The following PTPRD variants were observed in gnomAD, a reference collection of about 807,000 sequenced individuals.
PTPRD encodes the protein receptor-type tyrosine-protein phosphatase delta.
A neutral mutation model predicts 214.5 loss-of-function variants in PTPRD; 34 were observed. The ratio of observed to expected loss-of-function variants is 0.16; its 90% CI spans 0.12 to 0.21. The LOEUF is 0.21. PTPRD is among the 10% of genes least tolerant of loss of function. The pLI is 1.00. For synonymous variants in PTPRD, 1,128 were observed against 845.7 expected, an observed-to-expected ratio of 1.33 and a Z score of -5.79; for missense variants, 2,545 against 2,398.7, an observed-to-expected ratio of 1.06 and a Z score of -1.27.
At chr9:9,781,826 T>C (rs1029153573) in intron 5 of PTPRD, among the ~76,000 whole-genome samples, 3 of 150,564 alleles carry the variant, frequency 2.0e-5, no homozygotes, top group Non-Finnish European at 4.4e-5. Flanking sequence ...GGAGTCTCGC[T>C]CTGTCGCCCA....
At chr9:8,460,859 T>G (rs1174667780) in intron 32 of PTPRD, among the ~76,000 whole-genome samples, 1 of 152,100 alleles carries the variant, frequency 6.6e-6, no homozygotes, top group Non-Finnish European at 1.5e-5. Context: ...TATGGTGTAT[T>G]AAATGATCCT....
At chr9:9,869,876 T>A (rs1451435010) in intron 5 of PTPRD, among the ~76,000 whole-genome samples, 1 of 151,746 alleles carries the variant, frequency 6.6e-6, no homozygotes, top group African/African-American at 2.4e-5. Context: ...CAGCAGAGAT[T>A]GAGACAAGTG....
chr9:9,313,438 G>A (rs1960385140), intron 9 of PTPRD, among the ~76,000 whole-genome samples: 1 of 152,138 alleles, frequency 6.6e-6, no homozygotes. Context: ...GCGTAAATAA[G>A]TGTCAGATAC....
intron 2 of PTPRD, among the ~76,000 whole-genome samples, chr9:10,556,467 A>C (rs556773672): frequency 6.6e-6 from 1 of 152,252 alleles, no homozygotes; most frequent in Non-Finnish European, 1.5e-5. Flanking sequence ...TATTACTAAC[A>C]TTCCTATTTA....
At chr9:10,258,474 A>T (rs2093451284) in intron 3 of PTPRD, among the ~76,000 whole-genome samples, 1 of 152,230 alleles carries the variant, frequency 6.6e-6, no homozygotes, top group Non-Finnish European at 1.5e-5. Context: ...TAATGTGTTT[A>T]GATCATAATG....
chr9:9,310,286 G>T (rs1039635237), intron 9 of PTPRD, among the ~76,000 whole-genome samples: 10 of 152,072 alleles, frequency 6.6e-5, no homozygotes, highest in African/African-American at 2.4e-4. Flanking sequence ...AGGTTTCAAG[G>T]CAGCATGATG....
intron 11 of PTPRD, among the ~76,000 whole-genome samples, chr9:9,006,019 T>G (rs2099463326): frequency 6.6e-6 from 1 of 152,032 alleles, no homozygotes; most frequent in Non-Finnish European, 1.5e-5. Flanking sequence ...TTAAATTTTC[T>G]TATCATAAAT....
intron 11 of PTPRD, among the ~76,000 whole-genome samples, chr9:8,899,985 C>G (rs573461643): frequency 3.3e-5 from 5 of 152,240 alleles, no homozygotes; most frequent in African/African-American, 1.2e-4. Context: ...TTGAACACAT[C>G]TTCTTTTTGA....
intron 39 of PTPRD, among the ~76,000 whole-genome samples, chr9:8,371,898 G>A (rs962370169): frequency 6.6e-6 from 1 of 152,072 alleles, no homozygotes; most frequent in East Asian, 1.9e-4. Context: ...GATGGCCCAA[G>A]GAGTCAACAA....
intron 30 of PTPRD, 54 bp from the exon 31 acceptor site, chr9:8,471,139 G>C (rs2134962056): frequency 1.0e-5 from 15 of 1,469,026 alleles, no homozygotes; most frequent in Non-Finnish European, 1.4e-5. Flanking sequence ...GGAAAACGTG[G>C]ATATACCCTT....
At chr9:9,668,877 G>C (rs1203241460) in intron 7 of PTPRD, among the ~76,000 whole-genome samples, 2 of 152,090 alleles carry the variant, frequency 1.3e-5, no homozygotes, top group East Asian at 1.9e-4. Flanking sequence ...CCGTGAGGCA[G>C]AGTGGTCTCC....
At chr9:9,837,181 G>A (rs1285353635) in intron 5 of PTPRD, among the ~76,000 whole-genome samples, 2 of 152,042 alleles carry the variant, frequency 1.3e-5, no homozygotes, top group Non-Finnish European at 2.9e-5. Context: ...TTTCAATGTA[G>A]CTCCCAGTTT....
At chr9:9,435,317 C>T (rs2084786824) in intron 8 of PTPRD, among the ~76,000 whole-genome samples, 2 of 151,974 alleles carry the variant, frequency 1.3e-5, no homozygotes, top group African/African-American at 4.8e-5. Context: ...TTGAGACAAG[C>T]CCAGTCAACA....
At chr9:10,551,017 C>G (rs117834742) in intron 2 of PTPRD, among the ~76,000 whole-genome samples, 4,265 of 152,252 alleles carry the variant, frequency 0.028, 107 homozygotes, top group East Asian at 0.089. Context: ...AGCATGGAGA[C>G]TTTGACACAA....
intron 45 of PTPRD, 139 bp from the exon 46 acceptor site, chr9:8,318,081 C>T (rs964497564): frequency 4.7e-5 from 31 of 663,460 alleles, no homozygotes; most frequent in Non-Finnish European, 6.9e-5. Context: ...TGGTCTAATC[C>T]AATGACCAAT....
intron 12 of PTPRD, among the ~76,000 whole-genome samples, chr9:8,712,460 C>CT (rs2098358983): frequency 7.9e-6 from 1 of 126,668 alleles, no homozygotes; most frequent in Non-Finnish European, 1.7e-5. Flanking sequence ...TTTTTTTTTT[C>CT]TTTTTGGAAA....
intron 10 of PTPRD, among the ~76,000 whole-genome samples, chr9:9,076,765 C>T (rs1454308398): frequency 1.3e-5 from 2 of 150,486 alleles, no homozygotes; most frequent in African/African-American, 4.9e-5. Flanking sequence ...CATGGAAGTG[C>T]AGATATCTCT....
In PTPRD at chr9:10,009,266, G is replaced by A. The variant is rs57200991; in HGVS notation, c.-472+24452C>T. 9.9e-3 allele frequency among the ~76,000 whole-genome samples: 1,503 copies of A among 152,022 alleles called. 17 individuals are homozygous for A. The highest frequency in any genetic ancestry group is 0.013 in the South Asian group (61 of 4,812). On this transcript the variant is annotated intron_variant, in intron 4 of 45. Transcript: ENST00000381196. ...TATTCTGAGCCAAATCTGAGTGACC[G>A]AGGCTCAAAGTACAGTCTCAAGAGG...
Position 9,479,329 on chromosome 9 carries a change from G to A in PTPRD, c.-236-81847C>T, listed in dbSNP as rs76971189. 4.5e-3 allele frequency among the ~76,000 whole-genome samples: 552 copies of A among 122,478 alleles called. 3 individuals carry two copies. Among genetic ancestry groups the A allele is most frequent in the African/African-American group, 0.017 (524 of 31,582 alleles). The allele number at this position is 122,478 out of a possible 152,430, so 80.4% of individuals were successfully genotyped here. A position where few individuals can be genotyped will look rare whatever the true frequency, so the allele number is the denominator to read the frequency against. On this transcript the variant is annotated intron_variant, in intron 8 of 45. Transcript: ENST00000381196. ...AAATAAAAACATCTCATGCCTTCGA[G>A]AAAATGTGAAAACTGATGCACACAC...
Sources: gnomAD v4.1 joint callset for allele counts (sites outside exome capture counted in the v4.1 genomes callset) on GRCh38, gnomAD v4.1.1 for gene constraint, MANE v1.5 for transcripts, NCBI Gene and HGNC (gene_info 2026-07-23, HGNC 2026-07-21) for gene names.